Variants in CRACR2A observed in about 807,000 individuals in gnomAD.
CRACR2A encodes the protein EF-hand calcium-binding domain-containing protein 4B.
CRACR2A carries 79 observed loss-of-function variants against 90.5 expected under a neutral mutation model. That is an observed-to-expected ratio of 0.87 (90% CI 0.73 to 1.05). The LOEUF (loss-of-function observed/expected upper bound fraction) is 1.05. Ranked by LOEUF, CRACR2A falls within the 50% of genes least tolerant of loss-of-function variation. CRACR2A has a pLI of 0.00. For synonymous variants in CRACR2A, 338 were observed against 356.7 expected (o/e 0.95, Z 0.59); for missense variants, 823 against 897.2 (o/e 0.92, Z 1.06).
intron 2 of CRACR2A, among the ~76,000 whole-genome samples, chr12:3,720,823 C>G (rs1027927197): frequency 1.3e-5 from 2 of 152,196 alleles, no homozygotes; most frequent in Non-Finnish European, 2.9e-5. Flanking sequence ...CCAGGTGAAA[C>G]GCCAACATTA....
At position 3,633,701 on chromosome 12, in the gene CRACR2A, G is replaced by A. The variant is rs1199181126; in HGVS notation, c.1638C>T (p.Phe546=). The part of the protein sequence containing the change: ...ESSPSAPDRL[F]KIVFVGNSAV... ...CGGAATTGCCCACGAACACAATCTT[G>A]AAGAGCCGGTCAGGGGCAGAGGGAG... The change falls in exon 15 of 20, where the codon TTC becomes TTT. Residue 546 remains phenylalanine (F), a synonymous_variant. Coordinates refer to ENST00000440314, the MANE Select transcript of CRACR2A (RefSeq NM_001144958.2). This position sits in a 1 kb window ranked among gnomAD's most constrained non-coding sequence, Gnocchi z 4.5. 6.4e-7 allele frequency: 1 copy of A among 1,551,736 alleles called. No individual in the cohort carries two copies. The highest frequency in any genetic ancestry group is 8.7e-7 in the Non-Finnish European group (1 of 1,147,008).
chr12:3,752,310 G>A (rs868722790), intron 1 of CRACR2A, among the ~76,000 whole-genome samples: 9 of 151,800 alleles, frequency 5.9e-5, no homozygotes, highest in Non-Finnish European at 2.9e-5. Context: ...ATGCATGGGT[G>A]CACAGACACA....
At chr12:3,727,863 T>C (rs2137840262) in intron 2 of CRACR2A, 1 of 152,156 alleles carries the variant, frequency 6.6e-6, no homozygotes, top group South Asian at 2.1e-4. Flanking sequence ...GACTTGCAGG[T>C]GTACCTCCTG....
chr12:3,647,328 T>A lies in CRACR2A; in HGVS notation c.1118+1214A>T, dbSNP rs1349911860. On this transcript the variant is annotated intron_variant, in intron 11 of 19. Transcript: ENST00000440314. ...GGGGCTTAAGCTTGGTAACCCTGGA[T>A]CGATGGCACAGAAAGGCCTCAGGCC... Among the ~76,000 whole-genome samples the A allele has an allele frequency of 2.6e-5, 4 of 152,076 alleles. No homozygotes were observed. The East Asian group carries it at 7.7e-4, about 29-fold the overall frequency.
intron 15 of CRACR2A, among the ~76,000 whole-genome samples, chr12:3,630,633 T>C (rs778196608): frequency 2.0e-5 from 3 of 152,150 alleles, no homozygotes; most frequent in Non-Finnish European, 2.9e-5. Flanking sequence ...AGATCCTCTA[T>C]TGTGGATCTC....
intron 17 of CRACR2A, among the ~76,000 whole-genome samples, chr12:3,622,735 A>AT (rs1944171952): frequency 6.6e-6 from 1 of 152,114 alleles, no homozygotes; most frequent in Non-Finnish European, 1.5e-5. Flanking sequence ...TAGAGCAAAA[A>AT]TTTTTTCAGC....
intron 17 of CRACR2A, among the ~76,000 whole-genome samples, chr12:3,624,498 T>C (rs966645849): frequency 6.6e-6 from 1 of 152,218 alleles, no homozygotes; most frequent in Non-Finnish European, 1.5e-5. Context: ...TAGAGAATAA[T>C]TGCATTTATG....
At chr12:3,650,703 A>G (rs1944779837) in intron 10 of CRACR2A, among the ~76,000 whole-genome samples, 3 of 152,072 alleles carry the variant, frequency 2.0e-5, no homozygotes, top group Non-Finnish European at 4.4e-5. Flanking sequence ...TCTGCTCAGG[A>G]AAATCATTCA....
At chr12:3,742,990 T>C (rs2137904358) in intron 1 of CRACR2A, among the ~76,000 whole-genome samples, 1 of 152,342 alleles carries the variant, frequency 6.6e-6, no homozygotes, top group Non-Finnish European at 1.5e-5. Context: ...CAGTAGGTGT[T>C]CAACAAGTAC....
At chr12:3,626,614 G>A (rs767686606) in intron 17 of CRACR2A, among the ~76,000 whole-genome samples, 1 of 152,110 alleles carries the variant, frequency 6.6e-6, no homozygotes, top group Non-Finnish European at 1.5e-5. Context: ...ACAAATACGT[G>A]AACAAACCAT....
intron 3 of CRACR2A, among the ~76,000 whole-genome samples, chr12:3,703,951 C>A (rs972785311): frequency 6.6e-6 from 1 of 152,220 alleles, no homozygotes; most frequent in African/African-American, 2.4e-5. Flanking sequence ...TGTGGAGCAC[C>A]TGGAACTCTC....
chr12:3,677,377 C>T (rs1170642706), intron 6 of CRACR2A, among the ~76,000 whole-genome samples: 1 of 152,212 alleles, frequency 6.6e-6, no homozygotes, highest in East Asian at 1.9e-4. Context: ...TTACAGACCA[C>T]TCTTGAAACC....
At chr12:3,620,973 C>T (rs993130659) in intron 17 of CRACR2A, among the ~76,000 whole-genome samples, 3 of 152,222 alleles carry the variant, frequency 2.0e-5, no homozygotes, top group Non-Finnish European at 4.4e-5. Flanking sequence ...AATGGGAACA[C>T]CCCCTCCTCT....
chr12:3,693,897 C>A (rs906189166), intron 4 of CRACR2A, among the ~76,000 whole-genome samples: 2 of 152,198 alleles, frequency 1.3e-5, no homozygotes, highest in Admixed American at 6.5e-5. Context: ...GCTGGCGTGG[C>A]GCCTCTACTT....
At chr12:3,641,186 A>G (rs374587225) in intron 13 of CRACR2A, among the ~76,000 whole-genome samples, 5 of 152,292 alleles carry the variant, frequency 3.3e-5, no homozygotes, top group East Asian at 1.9e-4. Flanking sequence ...TTTACTAAAA[A>G]TACAAAAATT....
intron 1 of CRACR2A, among the ~76,000 whole-genome samples, chr12:3,743,510 C>T (rs1209999828): frequency 6.6e-6 from 1 of 152,170 alleles, no homozygotes; most frequent in Non-Finnish European, 1.5e-5. Context: ...TGTAGGAAGC[C>T]AGTCAGGCAC....
At chr12:3,659,800 A>G (rs991685474) in intron 7 of CRACR2A, 146 bp from the exon 8 acceptor site, 39 of 650,968 alleles carry the variant, frequency 6.0e-5, no homozygotes, top group Non-Finnish European at 9.8e-5. Context: ...CTATAAGATC[A>G]GTCCCTCATG....
At chr12:3,671,162 G>A (rs1160770569) in intron 7 of CRACR2A, among the ~76,000 whole-genome samples, 1 of 152,160 alleles carries the variant, frequency 6.6e-6, no homozygotes, top group Admixed American at 6.5e-5. Context: ...AGAAATGCAG[G>A]CCAGCAGAGG....
intron 3 of CRACR2A, among the ~76,000 whole-genome samples, chr12:3,701,669 T>G (rs1171245075): frequency 1.3e-5 from 2 of 152,128 alleles, no homozygotes; most frequent in African/African-American, 2.4e-5. Flanking sequence ...ATTGACCTGA[T>G]AGTTAAACAA....
Sources: allele counts gnomAD v4.1 joint callset (sites outside exome capture counted in the v4.1 genomes callset), GRCh38; gene constraint gnomAD v4.1.1; non-coding constraint Gnocchi (gnomAD v3.1); transcripts MANE v1.5; gene names NCBI Gene and HGNC (gene_info 2026-07-23, HGNC 2026-07-21).